The following SLC6A12 variants were observed in gnomAD, a reference collection of about 807,000 sequenced individuals.
The protein encoded by SLC6A12 is sodium- and chloride-dependent betaine transporter.
SLC6A12 carries 50 observed loss-of-function variants against 73.3 expected under a neutral mutation model. That is an observed-to-expected ratio of 0.68 (90% confidence interval 0.54 to 0.86). The LOEUF is 0.86. Among genes scored for constraint, SLC6A12 ranks in the 40% least tolerant of loss-of-function variants. The pLI is 0.00. For missense variants in SLC6A12, 648 were observed against 772.8 expected (o/e 0.84, Z 1.92); for synonymous variants, 304 against 309.2 (o/e 0.98, Z 0.18).
rs145997563 is a variant in SLC6A12, at chr12:201,368, G to A, written c.578+394C>T. ...TGAGTGGAGGGTGTGCCCATGTCTT[G>A]ATGTGAGCACTCCCGCCTTGGGCAA... On this transcript the variant is annotated intron_variant, in intron 6 of 15. Transcript: ENST00000684302. 472 of 239,230 alleles carry A rather than the reference G, an allele frequency of 2.0e-3. 2 individuals carry two copies. The highest frequency in any genetic ancestry group is 0.015 in the Middle Eastern group (10 of 676). The allele number at this position is 239,230 out of a possible 1,614,324, so 14.8% of individuals were successfully genotyped here.
chr12:187,429 C>T (rs769388905), downstream of SLC6A12, among the ~76,000 whole-genome samples: 1 of 151,692 alleles, frequency 6.6e-6, no homozygotes, highest in Admixed American at 6.6e-5. Flanking sequence ...AGTGCTACAA[C>T]TCTGAAGGCG....
At chr12:193,075 G>A in intron 14 of SLC6A12, 1 of 558,778 alleles carries the variant, frequency 1.8e-6, no homozygotes, top group South Asian at 2.4e-5. Flanking sequence ...GAAGTAGGAA[G>A]TAGAACAAGA....
intron 2 of SLC6A12, 69 bp from the exon 3 acceptor site, chr12:210,112 A>G (rs1940843698): frequency 6.9e-7 from 1 of 1,459,376 alleles, no homozygotes; most frequent in Non-Finnish European, 9.1e-7. Flanking sequence ...TCCCATCCCG[A>G]TCTCCGCTGT....
downstream of SLC6A12, among the ~76,000 whole-genome samples, chr12:189,550 C>T (rs995022212): frequency 6.6e-6 from 1 of 152,206 alleles, no homozygotes; most frequent in Non-Finnish European, 1.5e-5. Context: ...CCTGCAGCCC[C>T]TGGGCGGGGG....
rs1939713861 is a variant in SLC6A12, at chr12:193,507, C to G, written c.1430-130G>C. On this transcript the variant is annotated intron_variant, in intron 13 of 15. Coordinates refer to ENST00000684302, the MANE Select transcript of SLC6A12 (RefSeq NM_001122848.3). ...CCTGTGCAGGGAAACTGGAACAGGG[C>G]ACGTGAGTGAGACGCCTCCCTGACA... is the stretch of plus-strand genomic sequence containing the variant. 7.9e-6 allele frequency: 5 copies of G among 634,696 alleles called. No homozygotes were observed. In the Admixed American group the frequency reaches 1.0e-4, roughly 13 times the overall value. The allele number at this position is 634,696 out of a possible 1,614,324, so 39.3% of individuals were successfully genotyped here. A position where few individuals can be genotyped will look rare whatever the true frequency, so the allele number is the denominator to read the frequency against.
intron 4 of SLC6A12, among the ~76,000 whole-genome samples, 179 bp from the exon 5 acceptor site, chr12:203,059 C>CTTTTTTTTTTT (rs10582500): frequency 5.0e-4 from 34 of 68,336 alleles, no homozygotes; most frequent in East Asian, 1.3e-3. Flanking sequence ...TTTTTCTTTT[C>CTTTTTTTTTTT]TTTTTTTTTT....
chr12:189,731 C>T (rs996069900), downstream of SLC6A12, among the ~76,000 whole-genome samples: 2 of 152,182 alleles, frequency 1.3e-5, no homozygotes, highest in African/African-American at 4.8e-5. Context: ...AGGAAGCCTT[C>T]CAGCCACAGA....
chr12:205,854 T>C (rs142288682), intron 3 of SLC6A12, among the ~76,000 whole-genome samples: 4 of 152,384 alleles, frequency 2.6e-5, no homozygotes, highest in African/African-American at 9.6e-5. Context: ...CCTCATCATT[T>C]TGATTGCTGC....
chr12:184,085 C>T, the SLC6A12 span, among the ~76,000 whole-genome samples: 12,095 of 151,856 alleles, frequency 0.08, 1,080 homozygotes, highest in African/African-American at 0.22. Flanking sequence ...GAACCTAGTA[C>T]TGAATAACAA....
chr12:196,700 T>A (rs1166261938), intron 11 of SLC6A12, 70 bp downstream of exon 11: 1 of 1,070,318 alleles, frequency 9.3e-7, no homozygotes, highest in Admixed American at 1.7e-5. Context: ...GAGGGGAAAG[T>A]AGTCCCAGGA....
intron 2 of SLC6A12, 101 bp from the exon 3 acceptor site, chr12:210,144 A>T (rs1940845442): frequency 7.3e-7 from 1 of 1,375,428 alleles, no homozygotes; most frequent in Non-Finnish European, 9.6e-7. Flanking sequence ...TGTTCTTCCC[A>T]AGTGCTCCAT....
chr12:205,811 G>A (rs991136208), intron 3 of SLC6A12, among the ~76,000 whole-genome samples: 3 of 152,064 alleles, frequency 2.0e-5, no homozygotes, highest in Non-Finnish European at 2.9e-5. Flanking sequence ...AATTTTTACC[G>A]TAAACCTCTT....
rs376404244 is a variant in SLC6A12, at chr12:191,112, T to C, written c.1801A>G (p.Thr601Ala). ...TCCCCGGCTATCAGTCCTTCCCTTG[T>C]TGGGGAGGGCCCAAAGTTCCGGCCA... Reference protein sequence around the residue: ...SAGRNFGPSPTREGLIAGEKE... With the variant: ...SAGRNFGPSPAREGLIAGEKE... Residue 601 changes from threonine to alanine, a missense_variant, in exon 16 of 16, where the codon ACA becomes GCA. By Grantham distance (58) the Thr-to-Ala change is moderately conservative. Transcript: ENST00000684302. 4.9e-5 allele frequency: 66 copies of C among 1,356,654 alleles called. No individual in the cohort carries two copies. The highest frequency in any genetic ancestry group is 5.9e-5 in the African/African-American group (4 of 67,510). The allele number at this position is 1,356,654 out of a possible 1,614,324, so 84.0% of individuals were successfully genotyped here. A position where few individuals can be genotyped will look rare whatever the true frequency, so the allele number is the denominator to read the frequency against.
chr12:196,928 G>A (rs1217766238), intron 10 of SLC6A12, 46 bp from the exon 11 acceptor site: 1 of 1,398,366 alleles, frequency 7.2e-7, no homozygotes. Context: ...GGCGTGTGCT[G>A]CCCTTGGGGA....
chr12:201,569 TC>T, intron 6 of SLC6A12, 192 bp downstream of exon 6: 1 of 579,632 alleles, frequency 1.7e-6, no homozygotes, highest in Non-Finnish European at 3.1e-6. Flanking sequence ...AATGTGAGTC[TC>T]CGTGGACCCG....
In SLC6A12 at chr12:196,795, A is replaced by G. The variant is rs1390976684; in HGVS notation, c.1163T>C (p.Leu388Pro). The change falls in exon 11 of 16, where the codon CTC (leucine) becomes CCC (proline). Residue 388 changes from leucine (L) to proline (P), a missense_variant. Physicochemically the swap from Leu to Pro is moderately conservative, Grantham distance 98. Coordinates refer to ENST00000684302, the MANE Select transcript of SLC6A12 (RefSeq NM_001122848.3). Reference protein sequence around the residue: ...QLWSCLFFIMLIFLGLDSQFV... With the variant: ...QLWSCLFFIMPIFLGLDSQFV... ...CTGGCTGTCCAGCCCTAGGAATATG[A>G]GCATGATAAAGAACAGGCAGGACCA... 2 of 1,613,584 alleles carry G rather than the reference A, an allele frequency of 1.2e-6. No individual in the cohort carries two copies. Among genetic ancestry groups the G allele is most frequent in the African/African-American group, 1.3e-5 (1 of 75,026 alleles).
In SLC6A12 at chr12:196,036, GA is replaced by G. The variant is rs1389802514; in HGVS notation, c.1326+87del. On this transcript the variant is annotated intron_variant, in intron 12 of 15. Transcript: ENST00000684302. ...GTTCACACCCCTCGTCAGCAGATAA[GA>G]AAAGTGAGGCTCTGAGCAGGGTCAG... The G allele has an allele frequency of 5.3e-6, 7 of 1,310,936 alleles. No individual in the cohort carries two copies. The African/African-American group carries it at 1.0e-4, about 19-fold the overall frequency. 81.2% of individuals were successfully genotyped at this position (1,310,936 alleles called of 1,614,324 possible).
chr12:189,606 G>A (rs1939509592), downstream of SLC6A12, among the ~76,000 whole-genome samples: 3 of 152,142 alleles, frequency 2.0e-5, no homozygotes, highest in South Asian at 6.2e-4. Context: ...ATCCTGGCTG[G>A]CTTCCCTTGA....
Position 209,872 on chromosome 12 carries a change from A to T in SLC6A12, c.115T>A (p.Trp39Arg). The T allele has an allele frequency of 6.2e-7, 1 of 1,614,150 alleles. No individual in the cohort carries two copies. Among genetic ancestry groups the T allele is most frequent in the East Asian group, 2.2e-5 (1 of 44,880 alleles). ...DEDQVKDRGQ[W>R]TNKMEFVLSV... ...AGCACAAACTCCATCTTGTTGGTCC[A>T]TTGGCCCCGATCCTTCACCTGGTCC... The change falls in exon 3 of 16, where the codon TGG (tryptophan) becomes AGG (arginine). Residue 39 changes from tryptophan to arginine, a missense_variant. Physicochemically the swap from Trp to Arg is moderately radical, Grantham distance 101. Transcript: ENST00000684302.
Sources: allele counts gnomAD v4.1 joint callset (sites outside exome capture counted in the v4.1 genomes callset), GRCh38; gene constraint gnomAD v4.1.1; transcripts MANE v1.5; gene names NCBI Gene and HGNC (gene_info 2026-07-23, HGNC 2026-07-21).